NBEA: variants seen among roughly 807,000 people sequenced by gnomAD.
The protein encoded by NBEA is lysosomal-trafficking regulator 2.
A neutral mutation model predicts 343.4 loss-of-function variants in NBEA; 44 were observed. The ratio of observed to expected loss-of-function variants is 0.13; its 90% CI spans 0.10 to 0.16. The LOEUF is 0.16. Ranked by LOEUF, NBEA falls within the 10% of genes least tolerant of loss-of-function variation. The probability of loss-of-function intolerance (pLI) is 1.00; values close to 1 mark genes in which losing one functional copy is unlikely to be tolerated. For missense variants in NBEA, 2,555 were observed against 3,631.3 expected (o/e 0.70, Z 7.62); for synonymous variants, 1,175 against 1,238.7 (o/e 0.95, Z 1.08).
At position 34,955,645 on chromosome 13, in the gene NBEA, G is replaced by T. The variant is rs112873719; in HGVS notation, c.294+12531G>T. Among the ~76,000 whole-genome samples the T allele has an allele frequency of 4.0e-4, 61 of 152,248 alleles. 1 individual carries two copies. The highest frequency in any genetic ancestry group is 1.3e-3 in the African/African-American group (56 of 41,556). ...TGTTTTCATGGTTTTTTGCCTTAAT[G>T]CTAACTATAGACTACAGTAAATTAA... On this transcript the variant is annotated intron_variant, in intron 1 of 58. Coordinates refer to ENST00000379939, the MANE Select transcript of NBEA (RefSeq NM_001385012.1).
At chr13:35,629,005 A>G (rs761069118) in intron 49 of NBEA, among the ~76,000 whole-genome samples, 1 of 152,238 alleles carries the variant, frequency 6.6e-6, no homozygotes, top group Non-Finnish European at 1.5e-5. Context: ...AGATGCAGTT[A>G]TGCTATTTTA....
chr13:35,045,547 A>T, intron 4 of NBEA, 146 bp downstream of exon 4: 1 of 601,182 alleles, frequency 1.7e-6, no homozygotes, highest in Non-Finnish European at 2.7e-6. Flanking sequence ...CTATATAATG[A>T]TTTGAACAAT....
chr13:34,960,397 T>A (rs1468192065), intron 1 of NBEA, among the ~76,000 whole-genome samples: 5 of 152,126 alleles, frequency 3.3e-5, no homozygotes, highest in Non-Finnish European at 7.4e-5. Context: ...TTTACTTTAA[T>A]ATTAAAGAAA....
intron 44 of NBEA, among the ~76,000 whole-genome samples, chr13:35,560,110 TC>T (rs374304597): frequency 2.8e-4 from 43 of 150,906 alleles, no homozygotes; most frequent in African/African-American, 1.0e-3. Context: ...TCTGTTCTTA[TC>T]CCCATTTTAC....
Position 35,566,997 on chromosome 13 carries a change from A to G in NBEA, c.7015A>G (p.Asn2339Asp), listed in dbSNP as rs2080166352. Residue 2339 changes from asparagine (N) to aspartate (D), a missense_variant, in exon 45 of 59, where the codon AAC becomes GAC. This residue lies in a region of NBEA where 156 missense variants were observed against 185.8 expected (regional missense o/e 0.84). Transcript: ENST00000379939. Reference sequence around the variant, plus strand: ...AGAGTTGGACCTGACTCTTCCAGGAAACTTCAGGGATCTATCAAAGGTAAC... The same window carrying G: ...AGAGTTGGACCTGACTCTTCCAGGAGACTTCAGGGATCTATCAAAGGTAAC... ...SEELDLTLPGNFRDLSKPIGA... is the reference protein window; with the variant it reads ...SEELDLTLPGDFRDLSKPIGA... The G allele has an allele frequency of 6.2e-7, 1 of 1,606,726 alleles. No homozygotes were observed. The highest frequency in any genetic ancestry group is 1.7e-5 in the Admixed American group (1 of 59,838).
intron 10 of NBEA, among the ~76,000 whole-genome samples, chr13:35,088,424 C>A (rs1247457211): frequency 6.6e-6 from 1 of 151,810 alleles, no homozygotes; most frequent in Non-Finnish European, 1.5e-5. Context: ...TAATATAATC[C>A]AATTTCCATG....
At chr13:35,484,250 G>A (rs2076224006) in intron 41 of NBEA, among the ~76,000 whole-genome samples, 1 of 132,260 alleles carries the variant, frequency 7.6e-6, no homozygotes, top group Admixed American at 8.2e-5. Flanking sequence ...GTGTGTGTGT[G>A]TGTGTGTGTG....
Position 35,607,284 on chromosome 13 carries a change from G to A in NBEA, c.7449+706G>A, listed in dbSNP as rs146062458. ...GTTGCACGCACTGATCTTGAACTCC[G>A]GGGATCAAGAAATCCTCCTACCTAG... On this transcript the variant is annotated intron_variant, in intron 48 of 58. Transcript: ENST00000379939. 1.3e-3 allele frequency among the ~76,000 whole-genome samples: 191 copies of A among 152,092 alleles called. 1 individual carries two copies. Among genetic ancestry groups the A allele is most frequent in the African/African-American group, 4.2e-3 (175 of 41,498 alleles).
chr13:35,567,087 A>G lies in NBEA; in HGVS notation c.7035+70A>G, dbSNP rs941738631. 9.4e-6 allele frequency: 7 copies of G among 746,274 alleles called. No individual in the cohort carries two copies. The African/African-American group carries it at 1.1e-4, about 11-fold the overall frequency. The allele number at this position is 746,274 out of a possible 1,614,324, so 46.2% of individuals were successfully genotyped here. A position where few individuals can be genotyped will look rare whatever the true frequency, so the allele number is the denominator to read the frequency against. ...AGTCTAATAGTATTTCTGTCAGAGTATATATAGCCAGTTAATGTTTGTAAG... is the reference window on the plus strand; with the variant it reads ...AGTCTAATAGTATTTCTGTCAGAGTGTATATAGCCAGTTAATGTTTGTAAG... On this transcript the variant is annotated intron_variant, in intron 45 of 58. Coordinates refer to ENST00000379939, the MANE Select transcript of NBEA (RefSeq NM_001385012.1).
At chr13:35,085,729 C>A (rs1300142354) in intron 10 of NBEA, among the ~76,000 whole-genome samples, 1 of 152,038 alleles carries the variant, frequency 6.6e-6, no homozygotes, top group Non-Finnish European at 1.5e-5. Flanking sequence ...GAAGTTCTGG[C>A]CAGGGCAATC....
At chr13:35,031,914 C>T (rs2062236794) in intron 1 of NBEA, among the ~76,000 whole-genome samples, 1 of 151,736 alleles carries the variant, frequency 6.6e-6, no homozygotes, top group Non-Finnish European at 1.5e-5. Flanking sequence ...GTTTTCTGTT[C>T]CTGCATTAGT....
At chr13:35,518,859 G>C (rs776062064) in intron 41 of NBEA, among the ~76,000 whole-genome samples, 5 of 152,148 alleles carry the variant, frequency 3.3e-5, no homozygotes, top group African/African-American at 1.2e-4. Context: ...ATACCTCATA[G>C]AGGCTGACAC....
At chr13:35,137,597 G>A (rs2067814208) in intron 17 of NBEA, among the ~76,000 whole-genome samples, 2 of 151,940 alleles carry the variant, frequency 1.3e-5, no homozygotes, top group South Asian at 2.1e-4. Context: ...AATTTAGTAT[G>A]AGTTTCTTCT....
chr13:35,418,215 T>C (rs2044055892), intron 38 of NBEA, among the ~76,000 whole-genome samples: 1 of 152,146 alleles, frequency 6.6e-6, no homozygotes, highest in East Asian at 1.9e-4. Context: ...CTGTGTCTTT[T>C]AATTGGAACA....
chr13:35,169,098 T>C, intron 25 of NBEA, 103 bp downstream of exon 25: 1 of 821,234 alleles, frequency 1.2e-6, no homozygotes. Flanking sequence ...TTTCATATCA[T>C]CTTTAACATG....
intron 30 of NBEA, among the ~76,000 whole-genome samples, chr13:35,194,479 A>G (rs2072434676): frequency 6.6e-6 from 1 of 152,102 alleles, no homozygotes; most frequent in Non-Finnish European, 1.5e-5. Flanking sequence ...TTTTTAGGAG[A>G]TCTTTGAAAT....
In NBEA at chr13:35,555,383, G is replaced by C. The variant is rs370866277; in HGVS notation, c.6922+281G>C. Among the ~76,000 whole-genome samples the C allele has an allele frequency of 3.3e-5, 5 of 152,196 alleles. No individual in the cohort carries two copies. The East Asian group carries it at 5.8e-4, about 18-fold the overall frequency. On this transcript the variant is annotated intron_variant, in intron 44 of 58. Coordinates refer to ENST00000379939, the MANE Select transcript of NBEA (RefSeq NM_001385012.1). ...AGAGTCAACAAACCATTGCCAGAGTGTCTGGAAATAATAATGGGAAAAGTA... is the reference window on the plus strand; with the variant it reads ...AGAGTCAACAAACCATTGCCAGAGTCTCTGGAAATAATAATGGGAAAAGTA...
At chr13:35,444,870 A>G (rs1244918733) in intron 39 of NBEA, among the ~76,000 whole-genome samples, 3 of 152,140 alleles carry the variant, frequency 2.0e-5, no homozygotes. Context: ...TTAAATGAAT[A>G]AAATAGTTAT....
At chr13:35,589,351 C>T (rs116748340) in intron 46 of NBEA, among the ~76,000 whole-genome samples, 123 of 152,136 alleles carry the variant, frequency 8.1e-4, no homozygotes, top group African/African-American at 2.8e-3. Flanking sequence ...CTCTGAAGGG[C>T]GATAGTAGGG....
Sources: gnomAD v4.1 joint callset for allele counts (sites outside exome capture counted in the v4.1 genomes callset) on GRCh38, gnomAD v4.1.1 for gene constraint, gnomAD v4.1.1 regional missense constraint, MANE v1.5 for transcripts, NCBI Gene and HGNC (gene_info 2026-07-23, HGNC 2026-07-21) for gene names.